Variants in DGCR8 observed in about 807,000 individuals in gnomAD.
DGCR8 encodes the protein microprocessor complex subunit DGCR8.
Under a neutral mutation model 78.5 loss-of-function variants are expected in DGCR8, and 14 were observed. The ratio of observed to expected loss-of-function variants is 0.18; its 90% CI spans 0.12 to 0.28. The LOEUF (loss-of-function observed/expected upper bound fraction) is 0.28. DGCR8 is among the 10% of genes least tolerant of loss of function. DGCR8 has a pLI of 1.00. For synonymous variants in DGCR8, 399 were observed against 402.4 expected, an observed-to-expected ratio of 0.99 and a Z score of 0.10; for missense variants, 702 against 1,022.5, an observed-to-expected ratio of 0.69 and a Z score of 4.28.
intron 9 of DGCR8, among the ~76,000 whole-genome samples, chr22:20,102,515 G>T (rs9605063): frequency 0.13 from 20,013 of 152,270 alleles, 1,710 homozygotes; most frequent in Non-Finnish European, 0.19. Context: ...GGTCGTCCAG[G>T]TCTGTGTGTG....
chr22:20,107,936 A>C, intron 12 of DGCR8: 1 of 156,144 alleles, frequency 6.4e-6, no homozygotes, highest in Non-Finnish European at 1.4e-5. Flanking sequence ...GAGTGTAATC[A>C]TTTTCCTCAA....
chr22:20,109,877 C>T (rs962748017), intron 13 of DGCR8, 148 bp from the exon 14 acceptor site: 3 of 730,752 alleles, frequency 4.1e-6, no homozygotes, highest in East Asian at 2.7e-5. Context: ...CTTCCCTGCT[C>T]CTCCTAGCCT....
In DGCR8 at chr22:20,086,458, C is replaced by T. The variant is rs1366384467; in HGVS notation, c.495C>T (p.Gly165=). The change falls in exon 2 of 14, where the codon GGC becomes GGT. Residue 165 remains glycine, a synonymous_variant. Transcript: ENST00000351989. This position sits in a 1 kb window ranked among gnomAD's most constrained non-coding sequence, Gnocchi z 6.4. ...VSGDVHACPF[G]GSVGDGVGIG... Reference sequence around the variant, plus strand: ...GGGACGTGCATGCTTGTCCCTTTGGCGGGAGTGTTGGTGACGGGGTAGGCA... The same window carrying T: ...GGGACGTGCATGCTTGTCCCTTTGGTGGGAGTGTTGGTGACGGGGTAGGCA... 20 of 1,613,632 alleles carry T rather than the reference C, an allele frequency of 1.2e-5. No homozygotes were observed. The highest frequency in any genetic ancestry group is 2.7e-5 in the African/African-American group (2 of 74,810).
In DGCR8 at chr22:20,087,434, G is replaced by T. The variant is rs921399840; in HGVS notation, c.880+113G>T. 8.1e-7 allele frequency: 1 copy of T among 1,240,260 alleles called. No homozygotes were observed. The highest frequency in any genetic ancestry group is 2.6e-5 in the East Asian group (1 of 38,942). The allele number at this position is 1,240,260 out of a possible 1,614,324, so 76.8% of individuals were successfully genotyped here. ...GTGCCAGGTAGTGGGCTGGGTGGAG[G>T]CATGTTTGAGGACAGGACAGAAATA... On this transcript the variant is annotated intron_variant, in intron 3 of 13. Transcript: ENST00000351989. This position sits in a 1 kb window ranked among gnomAD's most constrained non-coding sequence, Gnocchi z 4.1.
At position 20,111,722 on chromosome 22, in the gene DGCR8, C is replaced by CGA; in HGVS notation, c.*1614_*1615insGA. 5.7e-6 allele frequency: 1 copy of CGA among 174,352 alleles called. No homozygotes were observed. Among genetic ancestry groups the CGA allele is most frequent in the East Asian group, 6.6e-5 (1 of 15,142 alleles). 10.8% of individuals were successfully genotyped at this position (174,352 alleles called of 1,614,324 possible). On this transcript the variant is annotated 3_prime_UTR_variant, in exon 14 of 14. Transcript: ENST00000351989. ...TCTCTGTGCGCCCCCCCCCCCCCCC[C>CGA]ACCCGTCTGCCAAGCATGGGTATGA... is the stretch of plus-strand genomic sequence containing the variant.
chr22:20,110,379 A>C lies in DGCR8; in HGVS notation c.*271A>C. On this transcript the variant is annotated 3_prime_UTR_variant, in exon 14 of 14. Coordinates refer to ENST00000351989, the MANE Select transcript of DGCR8 (RefSeq NM_022720.7). ...CCAGTGGCAGCTGGTGACTGTGGAC[A>C]GTGGTGGACCCTGCTTCTGTGCACC... 2 of 460,324 alleles carry C rather than the reference A, an allele frequency of 4.3e-6. No homozygotes were observed. Among genetic ancestry groups the C allele is most frequent in the Non-Finnish European group, 7.7e-6 (2 of 258,110 alleles). 28.5% of individuals were successfully genotyped at this position (460,324 alleles called of 1,614,324 possible). A position where few individuals can be genotyped will look rare whatever the true frequency, so the allele number is the denominator to read the frequency against.
chr22:20,096,197 T>C (rs1255471417), intron 9 of DGCR8, among the ~76,000 whole-genome samples: 1 of 152,202 alleles, frequency 6.6e-6, no homozygotes, highest in Non-Finnish European at 1.5e-5. Flanking sequence ...AAAAGAATGT[T>C]ATTAAGAAAA....
chr22:20,082,634 T>C (rs2049431343), intron 1 of DGCR8, among the ~76,000 whole-genome samples: 1 of 152,172 alleles, frequency 6.6e-6, no homozygotes, highest in Non-Finnish European at 1.5e-5. Context: ...CCCAAAGTGC[T>C]GGGATTACAG....
chr22:20,094,699 CT>C lies in DGCR8; in HGVS notation c.1706-6del. On this transcript the variant is annotated splice_polypyrimidine_tract_variant and intron_variant, in intron 8 of 13. Coordinates refer to ENST00000351989, the MANE Select transcript of DGCR8 (RefSeq NM_022720.7). ...AGTGCCCAAGCCTCACCCTCGGGCT[CT>C]TTTTTTTCATAGCCCGAGCTACACT... 2 of 1,611,788 alleles carry C rather than the reference CT, an allele frequency of 1.2e-6. No homozygotes were observed. The highest frequency in any genetic ancestry group is 1.1e-5 in the South Asian group (1 of 91,010).
chr22:20,086,252 C>A lies in DGCR8; in HGVS notation c.289C>A (p.Arg97Ser). ...IDPNCSGHSPRTARHAPAVRK... is the reference protein window; with the variant it reads ...IDPNCSGHSPSTARHAPAVRK... Reference sequence around the variant, plus strand: ...CCCGAACTGTAGTGGCCACAGCCCGCGCACCGCCCGGCACGCACCTGCGGT... The same window carrying A: ...CCCGAACTGTAGTGGCCACAGCCCGAGCACCGCCCGGCACGCACCTGCGGT... The change falls in exon 2 of 14, where the codon CGC becomes AGC. Residue 97 changes from arginine (R) to serine (S), a missense_variant. Arg to Ser is a moderately radical substitution (Grantham distance 110). Coordinates refer to ENST00000351989, the MANE Select transcript of DGCR8 (RefSeq NM_022720.7). This position sits in a 1 kb window ranked among gnomAD's most constrained non-coding sequence, Gnocchi z 6.4. 1.2e-6 allele frequency: 2 copies of A among 1,614,186 alleles called. No homozygotes were observed. Among genetic ancestry groups the A allele is most frequent in the Non-Finnish European group, 1.7e-6 (2 of 1,180,044 alleles).
intron 9 of DGCR8, among the ~76,000 whole-genome samples, chr22:20,098,088 C>T (rs2049651365): frequency 6.8e-6 from 1 of 147,382 alleles, no homozygotes; most frequent in South Asian, 2.1e-4. Flanking sequence ...TACTGCGCCA[C>T]TGTGCTCCAG....
At position 20,106,094 on chromosome 22, in the gene DGCR8, C is replaced by T. The variant is rs2049766393; in HGVS notation, c.1789-83C>T. The T allele has an allele frequency of 8.0e-5, 88 of 1,101,952 alleles. 3 individuals are homozygous for T. In the South Asian group the frequency reaches 1.1e-3, roughly 14 times the overall value. 68.3% of individuals were successfully genotyped at this position (1,101,952 alleles called of 1,614,324 possible). ...GCTCACAAGAACAGACATTAAGCAT[C>T]TGGGGAAAGCCAACCGCAGGCCCAG... On this transcript the variant is annotated intron_variant, in intron 9 of 13. Transcript: ENST00000351989.
intron 8 of DGCR8, among the ~76,000 whole-genome samples, chr22:20,094,166 C>G (rs995919423): frequency 2.6e-5 from 4 of 152,220 alleles, no homozygotes; most frequent in African/African-American, 9.7e-5. Flanking sequence ...CAGCTTGGCT[C>G]CATGTCTTGC....
intron 9 of DGCR8, among the ~76,000 whole-genome samples, chr22:20,105,012 G>T (rs1300380625): frequency 6.6e-6 from 1 of 152,256 alleles, no homozygotes; most frequent in Non-Finnish European, 1.5e-5. Flanking sequence ...GACCCCTCCA[G>T]AACAGGGCCA....
chr22:20,107,183 T>G (rs994162649), intron 11 of DGCR8, 88 bp from the exon 12 acceptor site: 5 of 1,505,812 alleles, frequency 3.3e-6, no homozygotes, highest in Non-Finnish European at 4.6e-6. Flanking sequence ...CCTCGGGGTG[T>G]GGGTCAGGAG....
At position 20,085,667 on chromosome 22, in the gene DGCR8, A is replaced by G; in HGVS notation, c.-277-20A>G. The G allele has an allele frequency of 7.8e-7, 1 of 1,283,068 alleles. No individual in the cohort carries two copies. The highest frequency in any genetic ancestry group is 3.0e-5 in the South Asian group (1 of 33,156). The allele number at this position is 1,283,068 out of a possible 1,614,324, so 79.5% of individuals were successfully genotyped here. A position where few individuals can be genotyped will look rare whatever the true frequency, so the allele number is the denominator to read the frequency against. On this transcript the variant is annotated intron_variant, in intron 1 of 13. Coordinates refer to ENST00000351989, the MANE Select transcript of DGCR8 (RefSeq NM_022720.7). This position sits in a 1 kb window ranked among gnomAD's most constrained non-coding sequence, Gnocchi z 6.2. ...AAGGTTTCTGTCATTTTGTGACGATATTTTTAAATTTCTTTGCAGGTAGAA... is the reference window on the plus strand; with the variant it reads ...AAGGTTTCTGTCATTTTGTGACGATGTTTTTAAATTTCTTTGCAGGTAGAA...
rs2049837207 is a variant in DGCR8, at chr22:20,111,147, C to T, written c.*1039C>T. 1 of 398,802 alleles carries T rather than the reference C, an allele frequency of 2.5e-6. No homozygotes were observed. The highest frequency in any genetic ancestry group is 2.1e-5 in the African/African-American group (1 of 48,752). 24.7% of individuals were successfully genotyped at this position (398,802 alleles called of 1,614,324 possible). The stretch of plus-strand genomic sequence containing the variant: ...TCAAAGGCAGCTGCCTGGTGCCCAG[C>T]TTGCTTCTCGACTGGTGGCCCCTAT... On this transcript the variant is annotated 3_prime_UTR_variant, in exon 14 of 14. Coordinates refer to ENST00000351989, the MANE Select transcript of DGCR8 (RefSeq NM_022720.7).
rs79279088 is a variant in DGCR8 at position 20,092,059 on chromosome 22, C to T, written c.1606+89C>T. ...GGGAGGCAGGCGCTGACCGCTAGCC[C>T]TACTCTACTGGAACGGGAGGAAAGG... On this transcript the variant is annotated intron_variant, in intron 7 of 13. Coordinates refer to ENST00000351989, the MANE Select transcript of DGCR8 (RefSeq NM_022720.7). 9,002 of 1,009,728 alleles carry T rather than the reference C, an allele frequency of 8.9e-3. 185 individuals are homozygous for T. Among genetic ancestry groups the T allele is most frequent in the South Asian group, 0.06 (4,305 of 71,982 alleles). The allele number at this position is 1,009,728 out of a possible 1,614,324, so 62.5% of individuals were successfully genotyped here. A position where few individuals can be genotyped will look rare whatever the true frequency, so the allele number is the denominator to read the frequency against.
At position 20,092,837 on chromosome 22, in the gene DGCR8, G is replaced by A. The variant is rs375519256; in HGVS notation, c.1635G>A (p.Ser545=). ...CENPSEPFGA[S]VTIDGVTYGS... ...ACCCAAGTGAGCCTTTTGGTGCCTC[G>A]GTGACCATTGATGGTGTGACTTACG... Residue 545 remains serine (S), a synonymous_variant, in exon 8 of 14, where the codon TCG becomes TCA. Coordinates refer to ENST00000351989, the MANE Select transcript of DGCR8 (RefSeq NM_022720.7). 1.7e-5 allele frequency: 28 copies of A among 1,613,436 alleles called. No homozygotes were observed. Among genetic ancestry groups the A allele is most frequent in the South Asian group, 1.3e-4 (12 of 91,004 alleles).
Sources: gnomAD v4.1 joint callset for allele counts (sites outside exome capture counted in the v4.1 genomes callset) on GRCh38, gnomAD v4.1.1 for gene constraint, Gnocchi (gnomAD v3.1) non-coding constraint, MANE v1.5 for transcripts, NCBI Gene and HGNC (gene_info 2026-07-23, HGNC 2026-07-21) for gene names.